KLF15: variants seen among roughly 807,000 people sequenced by gnomAD.
KLF15 encodes the protein Krueppel-like factor 15.
In KLF15, 4 loss-of-function variants were observed where a neutral mutation model predicts 24.6. The ratio of observed to expected loss-of-function variants is 0.16; its 90% confidence interval spans 0.08 to 0.37. The LOEUF (loss-of-function observed/expected upper bound fraction) is 0.37. Among genes scored for constraint, KLF15 ranks in the 10% least tolerant of loss-of-function variants. The probability of loss-of-function intolerance (pLI) is 1.00; values close to 1 mark genes in which losing one functional copy is unlikely to be tolerated. For missense variants in KLF15, 496 were observed against 560.6 expected, an observed-to-expected ratio of 0.88 and a Z score of 1.16; for synonymous variants, 246 against 236.3, an observed-to-expected ratio of 1.04 and a Z score of -0.37.
chr3:126,302,939 A>T, the KLF15 span, among the ~76,000 whole-genome samples: 1 of 152,026 alleles, frequency 6.6e-6, no homozygotes, highest in Non-Finnish European at 1.5e-5. Context: ...CCATCTTGCT[A>T]CTTGTTCTCT....
chr3:126,299,606 G>A, the KLF15 span, among the ~76,000 whole-genome samples: 7 of 151,754 alleles, frequency 4.6e-5, no homozygotes, highest in East Asian at 1.9e-4. Flanking sequence ...AAAATTAGCC[G>A]GGCATGGTGG....
At chr3:126,306,351 C>T in the KLF15 span, among the ~76,000 whole-genome samples, 3 of 152,126 alleles carry the variant, frequency 2.0e-5, no homozygotes, top group African/African-American at 7.2e-5. Flanking sequence ...GATATCACTT[C>T]GAAATCACAT....
chr3:126,323,656 GCC>G, the KLF15 span, among the ~76,000 whole-genome samples: 1 of 136,140 alleles, frequency 7.3e-6, no homozygotes, highest in East Asian at 2.2e-4. Context: ...CCCTCCCCTG[GCC>G]CCCCACCCCC....
Position 126,352,138 on chromosome 3 carries a change from A to T in KLF15, c.785T>A (p.Leu262His). The change falls in exon 2 of 3, where the codon CTC becomes CAC. Residue 262 changes from leucine (L) to histidine (H), a missense_variant. Physicochemically the swap from Leu to His is moderately conservative, Grantham distance 99 (BLOSUM62 -3). Coordinates refer to ENST00000296233, the MANE Select transcript of KLF15 (RefSeq NM_014079.4). ...GGAGGAGGGTACCACCTGGGGCACGAGTGCGAAGGTCTGCCCCTGGATGTT... is the reference window on the plus strand; with the variant it reads ...GGAGGAGGGTACCACCTGGGGCACGTGTGCGAAGGTCTGCCCCTGGATGTT... ...LVNIQGQTFA[L>H]VPQVVPSSNL... The T allele has an allele frequency of 6.4e-7, 1 of 1,567,796 alleles. No homozygotes were observed. Among genetic ancestry groups the T allele is most frequent in the Non-Finnish European group, 8.7e-7 (1 of 1,155,710 alleles).
chr3:126,311,663 G>T, the KLF15 span, among the ~76,000 whole-genome samples: 15 of 152,222 alleles, frequency 9.9e-5, no homozygotes, highest in African/African-American at 3.6e-4. Flanking sequence ...CCCAGGCTGA[G>T]GACTTACATC....
chr3:126,320,764 G>A, the KLF15 span, among the ~76,000 whole-genome samples: 1 of 151,874 alleles, frequency 6.6e-6, no homozygotes, highest in Non-Finnish European at 1.5e-5. Context: ...ACTTCACTTG[G>A]CCTTTCCCAA....
chr3:126,319,934 GA>G, the KLF15 span, among the ~76,000 whole-genome samples: 1 of 152,290 alleles, frequency 6.6e-6, no homozygotes, highest in African/African-American at 2.4e-5. Flanking sequence ...CACAGATCAG[GA>G]GAAGCCTGGG....
chr3:126,348,420 A>T (rs1203829435), intron 2 of KLF15, among the ~76,000 whole-genome samples: 1 of 151,552 alleles, frequency 6.6e-6, no homozygotes, highest in Non-Finnish European at 1.5e-5. Context: ...TTGGTGGGAG[A>T]CTGGAGGCAC....
the KLF15 span, among the ~76,000 whole-genome samples, chr3:126,323,584 T>C: frequency 5.9e-4 from 86 of 145,806 alleles, no homozygotes; most frequent in African/African-American, 2.2e-3. Context: ...CGTGCAGGTT[T>C]GTTGCATAGC....
At chr3:126,344,061 G>A (rs1054112918) in intron 2 of KLF15, among the ~76,000 whole-genome samples, 166 bp from the exon 3 acceptor site, 3 of 152,148 alleles carry the variant, frequency 2.0e-5, no homozygotes, top group Non-Finnish European at 4.4e-5. Context: ...CATCTACGTC[G>A]GTAAGGCTAT....
downstream of KLF15, among the ~76,000 whole-genome samples, chr3:126,341,353 G>A (rs1437148696): frequency 6.6e-6 from 1 of 152,170 alleles, no homozygotes; most frequent in East Asian, 1.9e-4. Context: ...AGGTGCATAT[G>A]CTCCCGAGGT....
chr3:126,331,107 A>T, the KLF15 span, among the ~76,000 whole-genome samples: 1 of 152,214 alleles, frequency 6.6e-6, no homozygotes, highest in African/African-American at 2.4e-5. Flanking sequence ...CATCAGGCAC[A>T]TAAGATGCCC....
the KLF15 span, among the ~76,000 whole-genome samples, chr3:126,313,467 G>C: frequency 5.9e-5 from 9 of 152,160 alleles, no homozygotes; most frequent in Non-Finnish European, 1.3e-4. Flanking sequence ...CTTTAAATGA[G>C]GTCACATTTG....
At chr3:126,323,620 C>G in the KLF15 span, among the ~76,000 whole-genome samples, 2 of 148,074 alleles carry the variant, frequency 1.4e-5, no homozygotes, top group Non-Finnish European at 3.0e-5. Context: ...ATGGTTTGCT[C>G]CACCTATTAA....
the KLF15 span, among the ~76,000 whole-genome samples, chr3:126,323,418 T>TAAC: frequency 1.0e-4 from 3 of 29,264 alleles, no homozygotes; most frequent in Admixed American, 4.0e-4. Flanking sequence ...TATATATATA[T>TAAC]ATATATATAT....
chr3:126,343,858 A>G lies in KLF15; in HGVS notation c.1120T>C (p.Ser374Pro), dbSNP rs999426548. Reference sequence around the variant, plus strand: ...TGGTACGGCTTCACACCTGAGTGCGAGCGCCTGTGCCGCGACAGCTCGTCA... The same window carrying G: ...TGGTACGGCTTCACACCTGAGTGCGGGCGCCTGTGCCGCGACAGCTCGTCA... The part of the protein sequence containing the change: ...RSDELSRHRR[S>P]HSGVKPYQCP... Residue 374 changes from serine to proline, a missense_variant, in exon 3 of 3, where the codon TCG (serine) becomes CCG (proline). Transcript: ENST00000296233. The G allele has an allele frequency of 7.5e-6, 12 of 1,603,898 alleles. 1 individual carries two copies. The highest frequency in any genetic ancestry group is 2.2e-5 in the South Asian group (2 of 90,106).
At chr3:126,317,903 T>G in the KLF15 span, among the ~76,000 whole-genome samples, 1 of 152,220 alleles carries the variant, frequency 6.6e-6, no homozygotes, top group Non-Finnish European at 1.5e-5. Flanking sequence ...GAACTGGGGT[T>G]GCTGCAAACC....
intron 2 of KLF15, among the ~76,000 whole-genome samples, chr3:126,350,145 G>A (rs1576586400): frequency 6.6e-6 from 1 of 152,168 alleles, no homozygotes; most frequent in African/African-American, 2.4e-5. Context: ...CTGTGCCCTC[G>A]CCTTCTCTGC....
the KLF15 span, among the ~76,000 whole-genome samples, chr3:126,329,656 C>A: frequency 6.6e-6 from 1 of 151,504 alleles, no homozygotes; most frequent in Non-Finnish European, 1.5e-5. Flanking sequence ...GGAATCAAGT[C>A]CCATTTTTTA....
Sources: gnomAD v4.1 joint callset for allele counts (sites outside exome capture counted in the v4.1 genomes callset) on GRCh38, gnomAD v4.1.1 for gene constraint, MANE v1.5 for transcripts, NCBI Gene and HGNC (gene_info 2026-07-23, HGNC 2026-07-21) for gene names.